KIAA1217: variants seen among roughly 807,000 people sequenced by gnomAD.
KIAA1217 encodes sickle tail protein homolog.
A neutral mutation model predicts 163.9 loss-of-function variants in KIAA1217; 88 were observed. The ratio of observed to expected loss-of-function variants is 0.54; its 90% CI spans 0.45 to 0.64. The LOEUF (loss-of-function observed/expected upper bound fraction) is 0.64. KIAA1217 is among the 30% of genes least tolerant of loss of function. KIAA1217 has a pLI of 0.00. For missense variants in KIAA1217, 2,372 were observed against 2,475.0 expected, an observed-to-expected ratio of 0.96 and a Z score of 0.88; for synonymous variants, 903 against 923.1, an observed-to-expected ratio of 0.98 and a Z score of 0.39.
intron 1 of KIAA1217, among the ~76,000 whole-genome samples, chr10:23,988,631 A>G (rs960628833): frequency 1.3e-5 from 2 of 152,250 alleles, no homozygotes; most frequent in Admixed American, 1.3e-4. Flanking sequence ...AATTAGCATC[A>G]TAATATAGGC....
intron 1 of KIAA1217, among the ~76,000 whole-genome samples, chr10:23,977,225 T>C (rs1845578669): frequency 6.6e-6 from 1 of 152,244 alleles, no homozygotes; most frequent in African/African-American, 2.4e-5. Context: ...TTTCAAACTT[T>C]GTCAAACTTC....
intron 1 of KIAA1217, among the ~76,000 whole-genome samples, chr10:24,001,220 G>A (rs577533801): frequency 6.6e-5 from 10 of 152,186 alleles, no homozygotes; most frequent in African/African-American, 2.4e-4. Context: ...AGTTACTTAT[G>A]TACTATTTTC....
chr10:23,909,960 G>A (rs570204158), intron 1 of KIAA1217, among the ~76,000 whole-genome samples: 55 of 152,244 alleles, frequency 3.6e-4, no homozygotes, highest in Admixed American at 3.1e-3. Context: ...AGCATCTGTC[G>A]TTTCCTGACT....
chr10:24,337,970 C>T (rs2046610098), intron 2 of KIAA1217, among the ~76,000 whole-genome samples: 1 of 152,112 alleles, frequency 6.6e-6, no homozygotes, highest in African/African-American at 2.4e-5. Flanking sequence ...TTGCCTTTCT[C>T]CTAGTCATTT....
At chr10:24,243,133 T>C (rs2131334849) in intron 2 of KIAA1217, among the ~76,000 whole-genome samples, 1 of 152,298 alleles carries the variant, frequency 6.6e-6, no homozygotes, top group South Asian at 2.1e-4. Flanking sequence ...CAAATATTTA[T>C]TTCATTCAAA....
chr10:24,086,440 C>A (rs2061700872), intron 2 of KIAA1217, among the ~76,000 whole-genome samples: 1 of 152,148 alleles, frequency 6.6e-6, no homozygotes, highest in African/African-American at 2.4e-5. Context: ...TTCTTATGTC[C>A]CCTTTGGAAG....
chr10:23,805,141 C>T (rs572143693), intron 1 of KIAA1217, among the ~76,000 whole-genome samples: 8 of 152,158 alleles, frequency 5.3e-5, no homozygotes, highest in Admixed American at 1.3e-4. Flanking sequence ...AAATACCATT[C>T]GACCTAGCAA....
At chr10:23,810,214 C>T (rs1012236743) in intron 1 of KIAA1217, among the ~76,000 whole-genome samples, 1 of 151,132 alleles carries the variant, frequency 6.6e-6, no homozygotes, top group Non-Finnish European at 1.5e-5. Context: ...ATCCATTCAT[C>T]TATCTGTCTG....
At chr10:24,161,068 A>C (rs976220904) in intron 2 of KIAA1217, among the ~76,000 whole-genome samples, 3 of 152,238 alleles carry the variant, frequency 2.0e-5, no homozygotes, top group African/African-American at 7.2e-5. Context: ...TCAGACATCA[A>C]GTCCTTGTAA....
Position 24,323,098 on chromosome 10 carries a change from A to T in KIAA1217, c.355-57771A>T, listed in dbSNP as rs2044383201. On this transcript the variant is annotated intron_variant, in intron 2 of 20. Coordinates refer to ENST00000376454, the MANE Select transcript of KIAA1217 (RefSeq NM_019590.5). ...CTGAGTAGCTGGGACTATAGGCATG[A>T]ACCACCATGCCCAGCTAATTAAAAA... Among the ~76,000 whole-genome samples the T allele has an allele frequency of 2.0e-5, 3 of 149,076 alleles. No individual in the cohort carries two copies. In the Admixed American group the frequency reaches 2.1e-4, roughly 10 times the overall value.
In KIAA1217 at chr10:23,790,274, TATGCATATGC is replaced by T. The variant is rs1480837090; in HGVS notation, c.-321+95042_-321+95051del. ...GCATATGCACATATGCATATGCACA[TATGCATATGC>T]ACATATGCATATGCACATATGCATA... On this transcript the variant is annotated intron_variant, in intron 1 of 18. Transcript: ENST00000376462. 3.1e-4 allele frequency among the ~76,000 whole-genome samples: 31 copies of T among 101,318 alleles called. 10 individuals are homozygous for T. Among genetic ancestry groups the T allele is most frequent in the East Asian group, 1.0e-3 (4 of 3,854 alleles). 66.5% of individuals were successfully genotyped at this position (101,318 alleles called of 152,430 possible).
At chr10:24,182,791 G>T (rs1158823007) in intron 2 of KIAA1217, among the ~76,000 whole-genome samples, 4 of 152,138 alleles carry the variant, frequency 2.6e-5, no homozygotes, top group African/African-American at 7.2e-5. Flanking sequence ...AGTGCTCCTG[G>T]TAAACATGTT....
chr10:24,104,607 T>C (rs2062549559), intron 2 of KIAA1217, among the ~76,000 whole-genome samples: 1 of 152,172 alleles, frequency 6.6e-6, no homozygotes, highest in Admixed American at 6.5e-5. Context: ...TAATCATACA[T>C]TTGTCAAAAC....
chr10:24,204,210 T>TTGTCTGG (rs2130543797), upstream of KIAA1217, among the ~76,000 whole-genome samples: 1 of 152,316 alleles, frequency 6.6e-6, no homozygotes, highest in Non-Finnish European at 1.5e-5. Context: ...CCTGGGCACC[T>TTGTCTGG]CACTTATTGT....
At chr10:23,793,170 G>A (rs1836038940) in intron 1 of KIAA1217, among the ~76,000 whole-genome samples, 2 of 152,128 alleles carry the variant, frequency 1.3e-5, no homozygotes, top group Admixed American at 1.3e-4. Flanking sequence ...CTTCAGTCCC[G>A]TTCCTGTGTA....
intron 1 of KIAA1217, among the ~76,000 whole-genome samples, chr10:23,928,383 G>A (rs549768636): frequency 2.0e-5 from 3 of 152,270 alleles, no homozygotes; most frequent in East Asian, 3.9e-4. Context: ...TTAGTTTTCC[G>A]TGGCATGATA....
chr10:23,850,214 C>T (rs530479882), intron 1 of KIAA1217, among the ~76,000 whole-genome samples: 2 of 152,114 alleles, frequency 1.3e-5, no homozygotes, highest in East Asian at 1.9e-4. Context: ...GAATAGTTCA[C>T]TCCATGGTTA....
At chr10:24,055,615 T>C (rs912741052) in intron 2 of KIAA1217, among the ~76,000 whole-genome samples, 2 of 152,200 alleles carry the variant, frequency 1.3e-5, no homozygotes, top group Non-Finnish European at 2.9e-5. Flanking sequence ...CCTCTCTCCT[T>C]GAGAATGGAG....
At chr10:24,511,561 C>T (rs1220710635) in intron 9 of KIAA1217, among the ~76,000 whole-genome samples, 1 of 151,958 alleles carries the variant, frequency 6.6e-6, no homozygotes, top group African/African-American at 2.4e-5. Flanking sequence ...GCAGAAGAAT[C>T]GTTTGAACCC....
Sources: allele counts gnomAD v4.1 joint callset (sites outside exome capture counted in the v4.1 genomes callset), GRCh38; gene constraint gnomAD v4.1.1; transcripts MANE v1.5; gene names NCBI Gene and HGNC (gene_info 2026-07-23, HGNC 2026-07-21).